USH2A: variants seen among roughly 807,000 people sequenced by gnomAD.
USH2A encodes the protein usherin, also known as Usher syndrome 2A (autosomal recessive, mild).
USH2A carries 443 observed loss-of-function variants against 538.9 expected under a neutral mutation model. That is an observed-to-expected ratio of 0.82 (90% CI 0.76 to 0.89). The LOEUF is 0.89. USH2A is among the 40% of genes least tolerant of loss of function. The probability of loss-of-function intolerance (pLI) is 0.00; values close to 1 mark genes in which losing one functional copy is unlikely to be tolerated. For synonymous variants in USH2A, 2,413 were observed against 2,273.5 expected (o/e 1.06, Z -1.75); for missense variants, 6,633 against 6,324.8 (o/e 1.05, Z -1.65).
At chr1:216,201,729 G>A in intron 16 of USH2A, 1 of 219,502 alleles carries the variant, frequency 4.6e-6, no homozygotes, top group South Asian at 9.7e-5. Context: ...GAGGGCCACT[G>A]TCTTATCAGA....
At chr1:216,231,057 C>T (rs1326454429) in intron 14 of USH2A, among the ~76,000 whole-genome samples, 1 of 150,184 alleles carries the variant, frequency 6.7e-6, no homozygotes, top group Non-Finnish European at 1.5e-5. Context: ...GATTTACTTT[C>T]ATAATATACT....
chr1:216,057,855 T>C (rs560802957), intron 30 of USH2A, among the ~76,000 whole-genome samples: 3 of 152,308 alleles, frequency 2.0e-5, no homozygotes, highest in South Asian at 2.1e-4. Flanking sequence ...CCTTATTATG[T>C]ATTATACTCC....
At chr1:216,042,887 T>G (rs2030341231) in intron 32 of USH2A, among the ~76,000 whole-genome samples, 1 of 152,010 alleles carries the variant, frequency 6.6e-6, no homozygotes, top group Non-Finnish European at 1.5e-5. Context: ...AAGGATGAAG[T>G]CACCTGAAAG....
chr1:215,736,605 T>C (rs777039788), intron 60 of USH2A, among the ~76,000 whole-genome samples: 1 of 151,976 alleles, frequency 6.6e-6, no homozygotes, highest in Non-Finnish European at 1.5e-5. Context: ...ATTTTTAATA[T>C]GATCATGAAA....
intron 22 of USH2A, among the ~76,000 whole-genome samples, chr1:216,091,029 G>T (rs1205928941): frequency 6.6e-6 from 1 of 152,022 alleles, no homozygotes; most frequent in East Asian, 1.9e-4. Context: ...AAGTTTATTG[G>T]AGACAAATTC....
chr1:215,690,682 C>T (rs958699657), intron 61 of USH2A, among the ~76,000 whole-genome samples: 2 of 146,108 alleles, frequency 1.4e-5, no homozygotes, highest in African/African-American at 2.5e-5. Flanking sequence ...CAGTTGATGA[C>T]GACTTCATTC....
intron 64 of USH2A, among the ~76,000 whole-genome samples, chr1:215,660,261 T>C (rs1293352747): frequency 1.3e-5 from 2 of 152,186 alleles, no homozygotes; most frequent in Non-Finnish European, 2.9e-5. Context: ...CTATTTCAAA[T>C]GGTTGTTTGA....
rs535827458 is a variant in USH2A, at chr1:216,075,511, G to A, written c.5573-2211C>T. ...CTGGGCCTCTAAATGCCTAAAAGGC[G>A]GCCCAGAGCTCTAAGATGACTAATC... is the stretch of plus-strand genomic sequence containing the variant. On this transcript the variant is annotated intron_variant, in intron 27 of 71. Coordinates refer to ENST00000307340, the MANE Select transcript of USH2A (RefSeq NM_206933.4). Among the ~76,000 whole-genome samples the A allele has an allele frequency of 8.5e-5, 13 of 152,184 alleles. No homozygotes were observed. In the East Asian group the frequency reaches 1.4e-3, roughly 16 times the overall value.
intron 55 of USH2A, among the ~76,000 whole-genome samples, chr1:215,776,483 C>T (rs1038805835): frequency 6.6e-6 from 1 of 152,078 alleles, no homozygotes; most frequent in African/African-American, 2.4e-5. Context: ...GTTTCTAAAG[C>T]TTTGAGGTAA....
chr1:216,267,524 A>C (rs940362997), intron 11 of USH2A, among the ~76,000 whole-genome samples: 1 of 152,120 alleles, frequency 6.6e-6, no homozygotes, highest in Admixed American at 6.6e-5. Flanking sequence ...AATGAATGCT[A>C]GAGCACAGAG....
chr1:216,151,686 T>A (rs1572003312), intron 21 of USH2A, among the ~76,000 whole-genome samples: 2 of 152,210 alleles, frequency 1.3e-5, no homozygotes. Flanking sequence ...ACTTACTCAA[T>A]GCTGAAAAAG....
chr1:216,314,316 T>C (rs1056747253), intron 9 of USH2A, among the ~76,000 whole-genome samples: 12 of 152,158 alleles, frequency 7.9e-5, no homozygotes, highest in Admixed American at 6.6e-5. Context: ...AATAATATCA[T>C]CATGTCAGTG....
chr1:216,065,270 C>T (rs905377334), intron 30 of USH2A, among the ~76,000 whole-genome samples: 41 of 152,136 alleles, frequency 2.7e-4, no homozygotes, highest in Admixed American at 5.2e-4. Context: ...TCCCTGCATC[C>T]AGTTTCTGAT....
chr1:215,934,855 A>T (rs1666454796), intron 37 of USH2A, 60 bp from the exon 38 acceptor site: 1 of 1,469,704 alleles, frequency 6.8e-7, no homozygotes, highest in Non-Finnish European at 9.3e-7. Flanking sequence ...TCCTGCTATT[A>T]TTTGAGTATT....
At chr1:216,000,700 T>G in intron 32 of USH2A, 138 bp from the exon 33 acceptor site, 1 of 1,065,964 alleles carries the variant, frequency 9.4e-7, no homozygotes, top group Non-Finnish European at 1.4e-6. Flanking sequence ...TAAAAATCAA[T>G]AGCAATAACA....
At chr1:216,089,212 A>ACAAGTTTCAAGTTTAC (rs1197312365) in intron 22 of USH2A, 73 bp from the exon 23 acceptor site, 78 of 1,488,372 alleles carry the variant, frequency 5.2e-5, no homozygotes, top group Middle Eastern at 1.7e-4. Flanking sequence ...TATTTGTTAT[A>ACAAGTTTCAAGTTTAC]AACCAATTTA....
At chr1:216,344,649 T>C (rs899918383) in intron 4 of USH2A, among the ~76,000 whole-genome samples, 1 of 151,644 alleles carries the variant, frequency 6.6e-6, no homozygotes, top group Non-Finnish European at 1.5e-5. Flanking sequence ...TCTGGGTAAG[T>C]GGGGTACATT....
At chr1:216,207,507 G>A in intron 15 of USH2A, 76 bp from the exon 16 acceptor site, 3 of 1,561,426 alleles carry the variant, frequency 1.9e-6, no homozygotes, top group Non-Finnish European at 2.6e-6. Context: ...AAGATATCCA[G>A]CAAAGAGGTC....
chr1:216,054,039 C>G (rs549150632), intron 30 of USH2A, among the ~76,000 whole-genome samples: 1 of 152,294 alleles, frequency 6.6e-6, no homozygotes, highest in Admixed American at 6.5e-5. Flanking sequence ...CTTAGAAGTC[C>G]TTCACAGTGA....
Sources: gnomAD v4.1 joint callset for allele counts (sites outside exome capture counted in the v4.1 genomes callset) on GRCh38, gnomAD v4.1.1 for gene constraint, MANE v1.5 for transcripts, NCBI Gene and HGNC (gene_info 2026-07-23, HGNC 2026-07-21) for gene names.